Variants in RNF32 observed in about 807,000 individuals in gnomAD.
RNF32 encodes ring finger protein 32.
Under a neutral mutation model 41.0 loss-of-function variants are expected in RNF32, and 36 were observed. The observed-to-expected ratio is 0.88, with a 90% CI of 0.67 to 1.16. RNF32 has a LOEUF of 1.16. Among genes scored for constraint, RNF32 ranks in the 50% most tolerant of loss-of-function variants. The pLI, the probability that RNF32 is intolerant of heterozygous loss-of-function variation, is 0.00. For missense variants in RNF32, 413 were observed against 436.7 expected, an observed-to-expected ratio of 0.95 and a Z score of 0.48; for synonymous variants, 154 against 160.9, an observed-to-expected ratio of 0.96 and a Z score of 0.32.
intron 7 of RNF32, among the ~76,000 whole-genome samples, chr7:156,663,402 T>C (rs1800923081): frequency 6.6e-6 from 1 of 152,172 alleles, no homozygotes; most frequent in African/African-American, 2.4e-5. Context: ...TATATTTATA[T>C]TAAAATAAGC....
At chr7:156,671,472 C>T (rs544741397) in intron 7 of RNF32, among the ~76,000 whole-genome samples, 3 of 152,200 alleles carry the variant, frequency 2.0e-5, no homozygotes, top group Admixed American at 6.5e-5. Flanking sequence ...AACACCACAC[C>T]GAGCAACGGC....
At chr7:156,654,758 T>C (rs578123238) in intron 4 of RNF32, 40 bp downstream of exon 4, 6 of 1,584,538 alleles carry the variant, frequency 3.8e-6, no homozygotes, top group Admixed American at 3.4e-5. Flanking sequence ...GCTCCTGGGC[T>C]GTTTCCTAGG....
In RNF32 at chr7:156,643,785, GACC is replaced by G; in HGVS notation, c.-77-13_-77-11del. ...TGCACTGTAACTTTGACTTTCTGTTGACCACGTCTTTGCAGCAGAAGAATAGAA... is the reference window on the plus strand; with the variant it reads ...TGCACTGTAACTTTGACTTTCTGTTGACGTCTTTGCAGCAGAAGAATAGAA... On this transcript the variant is annotated splice_polypyrimidine_tract_variant and intron_variant, in intron 1 of 8. Transcript: ENST00000317955. 8.4e-7 allele frequency: 1 copy of G among 1,190,834 alleles called. No homozygotes were observed. The highest frequency in any genetic ancestry group is 1.2e-6 in the Non-Finnish European group (1 of 800,510). 73.8% of individuals were successfully genotyped at this position (1,190,834 alleles called of 1,614,324 possible).
intron 3 of RNF32, among the ~76,000 whole-genome samples, chr7:156,649,748 T>C (rs925716169): frequency 5.3e-5 from 8 of 152,340 alleles, no homozygotes; most frequent in African/African-American, 1.9e-4. Flanking sequence ...TGAATCTTCG[T>C]GCATAGCTTG....
chr7:156,652,065 G>A lies in RNF32; in HGVS notation c.275-2511G>A, dbSNP rs145111637. 2.5e-3 allele frequency among the ~76,000 whole-genome samples: 374 copies of A among 152,246 alleles called. 3 individuals carry two copies. The highest frequency in any genetic ancestry group is 3.4e-3 in the Middle Eastern group (1 of 294). On this transcript the variant is annotated intron_variant, in intron 3 of 8. Transcript: ENST00000317955. ...TGTCAGTAGCTCCCTGGAGGAGTGC[G>A]GAGGAGACCCACACAGAAGCTCACA...
chr7:156,659,097 A>G, intron 7 of RNF32: 4 of 1,354,814 alleles, frequency 3.0e-6, no homozygotes, highest in Non-Finnish European at 3.8e-6. Context: ...CTTTTGGGGG[A>G]CTTATTTAAC....
At chr7:156,658,833 CTAAT>C (rs1224001835) in intron 7 of RNF32, 10 of 1,398,872 alleles carry the variant, frequency 7.1e-6, no homozygotes, top group East Asian at 2.5e-5. Context: ...CCATTTTGTG[CTAAT>C]TGTTTAAATA....
In RNF32 at chr7:156,664,699, T is replaced by C. The variant is rs180737795; in HGVS notation, c.684+6129T>C. Among the ~76,000 whole-genome samples the C allele has an allele frequency of 7.0e-4, 107 of 152,342 alleles. 1 individual carries two copies. Among genetic ancestry groups the C allele is most frequent in the African/African-American group, 2.4e-3 (101 of 41,582 alleles). On this transcript the variant is annotated intron_variant, in intron 7 of 8. Transcript: ENST00000317955. ...AACTGGAAGAGCTTAATAATAAATG[T>C]GAGACAAATAATACACGGACCCTAT... is the stretch of plus-strand genomic sequence containing the variant.
chr7:156,660,028 T>A, intron 7 of RNF32: 1 of 985,640 alleles, frequency 1.0e-6, no homozygotes, highest in South Asian at 4.7e-5. Flanking sequence ...TCCGCTGCCC[T>A]GTGGCCATCC....
intron 1 of RNF32, among the ~76,000 whole-genome samples, chr7:156,643,531 G>A (rs1010181350): frequency 6.6e-6 from 1 of 152,178 alleles, no homozygotes; most frequent in African/African-American, 2.4e-5. Context: ...GTTATATTTA[G>A]CAATGGATTA....
chr7:156,640,511 T>A (rs1344989307), upstream of RNF32: 2 of 357,126 alleles, frequency 5.6e-6, no homozygotes, highest in Non-Finnish European at 1.1e-5. Context: ...AAACGCCCGC[T>A]GCGCGAGCCT....
chr7:156,664,662 T>G (rs1471554736), intron 7 of RNF32, among the ~76,000 whole-genome samples: 1 of 152,148 alleles, frequency 6.6e-6, no homozygotes, highest in Non-Finnish European at 1.5e-5. Flanking sequence ...AGTAGAATAT[T>G]TTACAGCTCA....
chr7:156,666,139 A>T (rs985756532), intron 7 of RNF32, among the ~76,000 whole-genome samples: 2 of 152,178 alleles, frequency 1.3e-5, no homozygotes, highest in African/African-American at 4.8e-5. Context: ...ATATTTTTAG[A>T]CATAGCTGAT....
chr7:156,646,867 T>C (rs2131360175), intron 3 of RNF32, among the ~76,000 whole-genome samples: 1 of 152,348 alleles, frequency 6.6e-6, no homozygotes, highest in East Asian at 1.9e-4. Flanking sequence ...TTTTGTTTTT[T>C]TTGAGATGGA....
In RNF32 at chr7:156,676,499, C is replaced by T. The variant is rs202134363; in HGVS notation, c.933C>T (p.Gly311=). The T allele has an allele frequency of 1.9e-6, 3 of 1,613,916 alleles. No homozygotes were observed. The highest frequency in any genetic ancestry group is 1.3e-5 in the African/African-American group (1 of 74,934). Reference sequence around the variant, plus strand: ...CTGGCGGTCAGCGCGTGGGTGCAGGCAGGCGTTCCAGAGAGATGGCCCTCC... The same window carrying T: ...CTGGCGGTCAGCGCGTGGGTGCAGGTAGGCGTTCCAGAGAGATGGCCCTCC... ...SAAGGQRVGA[G]RRSREMALLS... is the part of the protein sequence containing the mutation. The change falls in exon 9 of 9, where the codon GGC becomes GGT. Residue 311 remains glycine, a synonymous_variant. Coordinates refer to ENST00000317955, the MANE Select transcript of RNF32 (RefSeq NM_030936.4).
At chr7:156,664,064 G>A (rs1315239336) in intron 7 of RNF32, among the ~76,000 whole-genome samples, 1 of 152,242 alleles carries the variant, frequency 6.6e-6, no homozygotes, top group Non-Finnish European at 1.5e-5. Context: ...AACGTGTGCA[G>A]CTCAGAGCGG....
intron 7 of RNF32, among the ~76,000 whole-genome samples, chr7:156,662,845 T>C (rs1347935731): frequency 1.3e-5 from 2 of 151,024 alleles, no homozygotes; most frequent in Non-Finnish European, 2.9e-5. Flanking sequence ...TTAACAGCCA[T>C]TCTTTTTTTT....
chr7:156,659,824 C>T (rs986465382), intron 7 of RNF32: 1 of 809,966 alleles, frequency 1.2e-6, no homozygotes, highest in African/African-American at 1.9e-5. Flanking sequence ...GCGTTCAGTG[C>T]TCAGGTGTTC....
At position 156,669,595 on chromosome 7, in the gene RNF32, T is replaced by C. The variant is rs759787995; in HGVS notation, c.685-6101T>C. On this transcript the variant is annotated intron_variant, in intron 7 of 8. Coordinates refer to ENST00000317955, the MANE Select transcript of RNF32 (RefSeq NM_030936.4). This position sits in a 1 kb window ranked among gnomAD's most constrained non-coding sequence, Gnocchi z 4.2. ...CCCTGTGAGGCCCTGAGCTGGGCGC[T>C]GAGCAGATAGGTCATTTTCAAGAGG... Among the ~76,000 whole-genome samples the C allele has an allele frequency of 4.6e-5, 7 of 152,110 alleles. No homozygotes were observed. The highest frequency in any genetic ancestry group is 8.8e-5 in the Non-Finnish European group (6 of 68,002).
Sources: allele counts gnomAD v4.1 joint callset (sites outside exome capture counted in the v4.1 genomes callset), GRCh38; gene constraint gnomAD v4.1.1; non-coding constraint Gnocchi (gnomAD v3.1); transcripts MANE v1.5; gene names NCBI Gene and HGNC (gene_info 2026-07-23, HGNC 2026-07-21).